RYR2: variants seen among roughly 807,000 people sequenced by gnomAD.
The protein encoded by RYR2 is cardiac muscle ryanodine receptor-calcium release channel.
In RYR2, 227 loss-of-function variants were observed where a neutral mutation model predicts 601.1. The observed-to-expected ratio is 0.38, with a 90% confidence interval of 0.34 to 0.42. The LOEUF is 0.42. Among genes scored for constraint, RYR2 ranks in the 10% least tolerant of loss-of-function variants. The pLI is 1.00. For missense variants in RYR2, 4,646 were observed against 6,156.5 expected, an observed-to-expected ratio of 0.75 and a Z score of 8.21; for synonymous variants, 2,223 against 2,175.1, an observed-to-expected ratio of 1.02 and a Z score of -0.61.
chr1:237,620,974 C>T (rs2148632077), intron 38 of RYR2, among the ~76,000 whole-genome samples: 1 of 152,224 alleles, frequency 6.6e-6, no homozygotes, highest in Non-Finnish European at 1.5e-5. Flanking sequence ...ACACTCTTTT[C>T]AAGTGTTCAT....
At position 237,806,152 on chromosome 1, in the gene RYR2, G is replaced by A. The variant is rs397516514; in HGVS notation, c.14167G>A (p.Ala4723Thr). Residue 4723 changes from alanine (A) to threonine (T), a missense_variant, in exon 99 of 105, where the codon GCC becomes ACC. Ala to Thr is a moderately conservative substitution (Grantham distance 58). Coordinates refer to ENST00000366574, the MANE Select transcript of RYR2 (RefSeq NM_001035.3). The part of the protein sequence containing the change: ...VFTDNSFLYL[A>T]WYMTMSVLGH... ...GTCTTAATAGTCCTTCCTCTACCTA[G>A]CCTGGTATATGACTATGTCTGTTCT... The A allele has an allele frequency of 1.4e-5, 23 of 1,613,452 alleles. No homozygotes were observed. The highest frequency in any genetic ancestry group is 1.7e-6 in the Non-Finnish European group (2 of 1,179,650).
Position 237,113,614 on chromosome 1 carries a change from G to A in RYR2, c.48+71045G>A, listed in dbSNP as rs565253034. On this transcript the variant is annotated intron_variant, in intron 1 of 104. Coordinates refer to ENST00000366574, the MANE Select transcript of RYR2 (RefSeq NM_001035.3). ...ATCCACAGCTCCTTGCACAATTCCT[G>A]GCCCAGGGAGTGGGTACATCATCAA... Among the ~76,000 whole-genome samples, 13 of 152,240 alleles carry A rather than the reference G, an allele frequency of 8.5e-5. No individual in the cohort carries two copies. In the East Asian group the frequency reaches 1.9e-3, roughly 23 times the overall value.
chr1:237,059,283 C>T (rs1558160414), intron 1 of RYR2, among the ~76,000 whole-genome samples: 2 of 151,982 alleles, frequency 1.3e-5, no homozygotes, highest in Non-Finnish European at 2.9e-5. Flanking sequence ...GATGCCATTG[C>T]CATCTAACGT....
At chr1:237,067,511 A>G (rs763447991) in intron 1 of RYR2, among the ~76,000 whole-genome samples, 3 of 152,198 alleles carry the variant, frequency 2.0e-5, no homozygotes, top group Non-Finnish European at 2.9e-5. Context: ...CTGTCCACCA[A>G]TACCATACAG....
At chr1:237,353,620 T>A (rs918352462) in intron 3 of RYR2, among the ~76,000 whole-genome samples, 1 of 152,126 alleles carries the variant, frequency 6.6e-6, no homozygotes, top group African/African-American at 2.4e-5. Context: ...TAGATTCTTA[T>A]GTCCTCTCTG....
At chr1:237,762,163 A>T (rs915691008) in intron 84 of RYR2, among the ~76,000 whole-genome samples, 2 of 152,180 alleles carry the variant, frequency 1.3e-5, no homozygotes, top group Non-Finnish European at 2.9e-5. Flanking sequence ...TACTAAACTG[A>T]GTTAGCTACC....
chr1:237,423,919 C>T (rs1174739853), intron 12 of RYR2, among the ~76,000 whole-genome samples: 1 of 152,040 alleles, frequency 6.6e-6, no homozygotes, highest in African/African-American at 2.4e-5. Flanking sequence ...GGGAAGGCCT[C>T]AGGAAACTTA....
intron 17 of RYR2, among the ~76,000 whole-genome samples, chr1:237,490,378 AG>A (rs1663194741): frequency 6.6e-6 from 1 of 152,222 alleles, no homozygotes; most frequent in Non-Finnish European, 1.5e-5. Flanking sequence ...TGTGCTCTAT[AG>A]CAATCAATAA....
chr1:237,421,292 A>C (rs1705546929), intron 11 of RYR2, among the ~76,000 whole-genome samples: 1 of 152,164 alleles, frequency 6.6e-6, no homozygotes, highest in Non-Finnish European at 1.5e-5. Context: ...TTTTCATAGT[A>C]TTTGCAAACA....
At chr1:237,367,071 T>A (rs1700255791) in intron 5 of RYR2, among the ~76,000 whole-genome samples, 1 of 150,410 alleles carries the variant, frequency 6.6e-6, no homozygotes, top group Admixed American at 6.7e-5. Flanking sequence ...AAAAAGTGAC[T>A]GTTTTGTTTT....
chr1:237,429,862 T>G (rs892318616), intron 12 of RYR2, among the ~76,000 whole-genome samples: 2 of 152,084 alleles, frequency 1.3e-5, no homozygotes, highest in Admixed American at 6.6e-5. Flanking sequence ...GCAAGTTAAT[T>G]TCATCTTTCT....
At chr1:237,111,837 G>A (rs1669512540) in intron 1 of RYR2, among the ~76,000 whole-genome samples, 1 of 152,144 alleles carries the variant, frequency 6.6e-6, no homozygotes, top group Non-Finnish European at 1.5e-5. Flanking sequence ...GTGCAGGGAG[G>A]ACCTCTGGCA....
intron 3 of RYR2, among the ~76,000 whole-genome samples, chr1:237,343,843 A>G (rs1322458991): frequency 1.4e-5 from 2 of 146,462 alleles, no homozygotes; most frequent in Non-Finnish European, 3.0e-5. Context: ...TTTTTGAGAC[A>G]GAGTTTACTT....
At chr1:237,748,889 C>A (rs1692303523) in intron 80 of RYR2, among the ~76,000 whole-genome samples, 1 of 152,164 alleles carries the variant, frequency 6.6e-6, no homozygotes, top group Non-Finnish European at 1.5e-5. Flanking sequence ...GTTCCCTAAA[C>A]AATACAGCAG....
At chr1:237,426,175 C>A (rs958814907) in intron 12 of RYR2, among the ~76,000 whole-genome samples, 1 of 152,140 alleles carries the variant, frequency 6.6e-6, no homozygotes, top group African/African-American at 2.4e-5. Flanking sequence ...TCTCTTTCAA[C>A]TCCTGTTCTG....
At chr1:237,605,253 C>T (rs1676983631) in intron 35 of RYR2, among the ~76,000 whole-genome samples, 1 of 152,174 alleles carries the variant, frequency 6.6e-6, no homozygotes, top group Admixed American at 6.5e-5. Context: ...CCCTGGGATG[C>T]AAGGCTGGTT....
chr1:237,185,127 A>G (rs1106159), intron 1 of RYR2, among the ~76,000 whole-genome samples: 53,886 of 151,828 alleles, frequency 0.35, 9,735 homozygotes, highest in East Asian at 0.52. Context: ...CGGCCCCCCA[A>G]ATAGTTGGTA....
At chr1:237,621,355 AAAACAAAGAGTAAAAT>A (rs1679055313) in intron 38 of RYR2, among the ~76,000 whole-genome samples, 2 of 152,298 alleles carry the variant, frequency 1.3e-5, no homozygotes, top group South Asian at 4.1e-4. Context: ...AAGAATTTTG[AAAACAAAGAGTAAAAT>A]AAACCTAAAG....
intron 2 of RYR2, among the ~76,000 whole-genome samples, chr1:237,273,341 G>A (rs1689902141): frequency 1.3e-5 from 2 of 152,210 alleles, no homozygotes; most frequent in Admixed American, 6.5e-5. Context: ...AGGGGGAGCA[G>A]CTGTACATAC....
Sources: allele counts gnomAD v4.1 joint callset (sites outside exome capture counted in the v4.1 genomes callset), GRCh38; gene constraint gnomAD v4.1.1; transcripts MANE v1.5; gene names NCBI Gene and HGNC (gene_info 2026-07-23, HGNC 2026-07-21).